RCOR1: variants seen among roughly 807,000 people sequenced by gnomAD.
The protein encoded by RCOR1 is REST corepressor 1, also known as REST corepressor.
RCOR1 carries 12 observed loss-of-function variants against 64.0 expected under a neutral mutation model. That is an observed-to-expected ratio of 0.19 (90% CI 0.12 to 0.30). The LOEUF is 0.30. Ranked by LOEUF, RCOR1 falls within the 10% of genes least tolerant of loss-of-function variation. The probability of loss-of-function intolerance (pLI) is 1.00; values close to 1 mark genes in which losing one functional copy is unlikely to be tolerated. For missense variants in RCOR1, 502 were observed against 621.2 expected, an observed-to-expected ratio of 0.81 and a Z score of 2.04; for synonymous variants, 279 against 227.2, an observed-to-expected ratio of 1.23 and a Z score of -2.05.
intron 2 of RCOR1, chr14:102,662,753 G>A (rs1390553444): frequency 3.0e-6 from 1 of 338,562 alleles, no homozygotes; most frequent in African/African-American, 2.1e-5. Flanking sequence ...CAGTTTCCAT[G>A]ATATGATTGT....
chr14:102,714,610 A>G lies in RCOR1; in HGVS notation c.1046A>G (p.Lys349Arg), dbSNP rs1425695888. 6.2e-7 allele frequency: 1 copy of G among 1,606,020 alleles called. No individual in the cohort carries two copies. ...CTAGACATGGAATTGGTTTCAGTCAAACGACAGGTACTCATAAGCCTGGTC... is the reference window on the plus strand; with the variant it reads ...CTAGACATGGAATTGGTTTCAGTCAGACGACAGGTACTCATAAGCCTGGTC... Reference protein sequence around the residue: ...RQLDMELVSVKRQIQNIKQTN... With the variant: ...RQLDMELVSVRRQIQNIKQTN... Residue 349 changes from lysine (K) to arginine (R), a missense_variant, in exon 8 of 12, where the codon AAA (lysine) becomes AGA (arginine). Physicochemically the swap from Lys to Arg is conservative, Grantham distance 26. Coordinates refer to ENST00000262241, the MANE Select transcript of RCOR1 (RefSeq NM_015156.4).
intron 2 of RCOR1, among the ~76,000 whole-genome samples, chr14:102,619,795 A>G (rs1372927569): frequency 6.6e-6 from 1 of 152,024 alleles, no homozygotes; most frequent in Non-Finnish European, 1.5e-5. Context: ...AAGTATTACC[A>G]TAAACTCTTC....
intron 7 of RCOR1, 91 bp from the exon 8 acceptor site, chr14:102,714,332 G>C (rs1896020378): frequency 1.3e-6 from 1 of 794,070 alleles, no homozygotes; most frequent in Non-Finnish European, 1.9e-6. Flanking sequence ...GTCTTAGATT[G>C]TTTTGGTGCC....
intron 8 of RCOR1, among the ~76,000 whole-genome samples, chr14:102,720,301 A>G (rs1406434060): frequency 2.0e-5 from 3 of 152,152 alleles, no homozygotes; most frequent in African/African-American, 7.2e-5. Context: ...GGTCCATGGG[A>G]AAATTAAGGA....
intron 2 of RCOR1, among the ~76,000 whole-genome samples, chr14:102,643,792 G>A (rs973393103): frequency 1.3e-5 from 2 of 152,130 alleles, no homozygotes; most frequent in Admixed American, 1.3e-4. Context: ...GACGTGGTGG[G>A]GGAGACGTAT....
At chr14:102,600,568 AT>A (rs750778582) in intron 2 of RCOR1, among the ~76,000 whole-genome samples, 317 of 127,004 alleles carry the variant, frequency 2.5e-3, no homozygotes, top group African/African-American at 5.0e-3. Flanking sequence ...TGCCCAGCTA[AT>A]TTTTTTTTTT....
At chr14:102,611,740 A>G (rs944284311) in intron 2 of RCOR1, among the ~76,000 whole-genome samples, 7 of 152,114 alleles carry the variant, frequency 4.6e-5, no homozygotes, top group Non-Finnish European at 1.0e-4. Flanking sequence ...TAGCCCATGG[A>G]CTATGTGGTT....
chr14:102,722,857 G>A (rs1896191438), intron 11 of RCOR1, among the ~76,000 whole-genome samples: 1 of 152,210 alleles, frequency 6.6e-6, no homozygotes, highest in African/African-American at 2.4e-5. Context: ...GAGCTCCTGA[G>A]GCCTCTCCCT....
chr14:102,639,079 A>G (rs1894304441), intron 2 of RCOR1, among the ~76,000 whole-genome samples: 1 of 152,224 alleles, frequency 6.6e-6, no homozygotes, highest in South Asian at 2.1e-4. Context: ...GTAGGATGAC[A>G]TAAGTTTATA....
At chr14:102,639,243 T>C (rs1182184629) in intron 2 of RCOR1, among the ~76,000 whole-genome samples, 2 of 149,116 alleles carry the variant, frequency 1.3e-5, no homozygotes, top group East Asian at 3.9e-4. Context: ...GAGAACCAAC[T>C]ACTCTTTGTT....
chr14:102,601,302 C>T (rs543367357), intron 2 of RCOR1, among the ~76,000 whole-genome samples: 5 of 152,258 alleles, frequency 3.3e-5, no homozygotes, highest in South Asian at 2.1e-4. Context: ...CTTGAGCCAC[C>T]GCACCCGACC....
intron 2 of RCOR1, among the ~76,000 whole-genome samples, chr14:102,619,498 G>T (rs1202198905): frequency 6.8e-5 from 6 of 87,614 alleles, no homozygotes; most frequent in South Asian, 3.6e-4. Flanking sequence ...TTTTTTTTTT[G>T]GAGTCAGGTT....
intron 7 of RCOR1, among the ~76,000 whole-genome samples, chr14:102,712,599 T>C (rs745913894): frequency 1.3e-5 from 2 of 152,058 alleles, no homozygotes; most frequent in Non-Finnish European, 2.9e-5. Flanking sequence ...TAGATTTTTT[T>C]CATTAGAACC....
intron 2 of RCOR1, among the ~76,000 whole-genome samples, chr14:102,640,395 C>T (rs1195134160): frequency 1.3e-5 from 2 of 152,232 alleles, no homozygotes; most frequent in Non-Finnish European, 2.9e-5. Context: ...GATGTGAACA[C>T]TTGATCCATC....
At chr14:102,692,058 C>T (rs905276703) in intron 3 of RCOR1, among the ~76,000 whole-genome samples, 2 of 152,188 alleles carry the variant, frequency 1.3e-5, no homozygotes, top group South Asian at 2.1e-4. Flanking sequence ...TGGACTTATA[C>T]GTGTTAGACC....
chr14:102,592,703 C>T lies in RCOR1; in HGVS notation c.-184C>T, dbSNP rs1238070769. 5 of 1,227,418 alleles carry T rather than the reference C, an allele frequency of 4.1e-6. No individual in the cohort carries two copies. Among genetic ancestry groups the T allele is most frequent in the Non-Finnish European group, 3.0e-6 (3 of 985,202 alleles). 76.0% of individuals were successfully genotyped at this position (1,227,418 alleles called of 1,614,324 possible). On this transcript the variant is annotated 5_prime_UTR_variant, in exon 1 of 12. Transcript: ENST00000262241. Reference sequence around the variant, plus strand: ...AGCGAAAGTTGCGCTCGGCTCGTCGCTGGGGGCTTGAAGCGGCTCCGCGCT... The same window carrying T: ...AGCGAAAGTTGCGCTCGGCTCGTCGTTGGGGGCTTGAAGCGGCTCCGCGCT...
At chr14:102,675,809 C>A (rs893655525) in intron 2 of RCOR1, among the ~76,000 whole-genome samples, 1 of 152,170 alleles carries the variant, frequency 6.6e-6, no homozygotes, top group African/African-American at 2.4e-5. Context: ...ACCCTGGAAA[C>A]CTTGGATCTA....
intron 6 of RCOR1, among the ~76,000 whole-genome samples, chr14:102,710,196 G>C (rs140745953): frequency 0.02 from 3,098 of 152,340 alleles, 47 homozygotes; most frequent in Middle Eastern, 0.031. Flanking sequence ...GCATGGTCCC[G>C]TGGGATGGAT....
chr14:102,603,290 A>G (rs1010387938), intron 2 of RCOR1, among the ~76,000 whole-genome samples: 4 of 152,036 alleles, frequency 2.6e-5, no homozygotes, highest in African/African-American at 9.7e-5. Context: ...CTAAGTATCG[A>G]TAAGAAAAGA....
Sources: gnomAD v4.1 joint callset for allele counts (sites outside exome capture counted in the v4.1 genomes callset) on GRCh38, gnomAD v4.1.1 for gene constraint, MANE v1.5 for transcripts, NCBI Gene and HGNC (gene_info 2026-07-23, HGNC 2026-07-21) for gene names.